SH3GL2: variants seen among roughly 807,000 people sequenced by gnomAD.
The protein encoded by SH3GL2 is SH3 domain containing GRB2 like 2, endophilin A1, also known as endophilin-A1.
In SH3GL2, 24 loss-of-function variants were observed where a neutral mutation model predicts 46.0. The observed-to-expected ratio is 0.52, with a 90% CI of 0.38 to 0.73. SH3GL2 has a LOEUF of 0.73. SH3GL2 is among the 30% of genes least tolerant of loss of function. The probability of loss-of-function intolerance (pLI) is 0.00; values close to 1 mark genes in which losing one functional copy is unlikely to be tolerated. For missense variants in SH3GL2, 413 were observed against 424.2 expected (o/e 0.97, Z 0.23); for synonymous variants, 196 against 147.1 (o/e 1.33, Z -2.40).
At chr9:17,686,024 A>G (rs1375910443) in intron 1 of SH3GL2, among the ~76,000 whole-genome samples, 3 of 140,656 alleles carry the variant, frequency 2.1e-5, no homozygotes, top group African/African-American at 8.5e-5. Flanking sequence ...AATGGGAGAA[A>G]ATTTTTGCAA....
chr9:17,626,782 T>G (rs994826000), intron 1 of SH3GL2, among the ~76,000 whole-genome samples: 1 of 152,222 alleles, frequency 6.6e-6, no homozygotes, highest in Admixed American at 6.5e-5. Context: ...CCAATATGTC[T>G]TCTTCACATT....
chr9:17,697,352 T>G (rs1821229473), intron 1 of SH3GL2, among the ~76,000 whole-genome samples: 1 of 151,802 alleles, frequency 6.6e-6, no homozygotes, highest in Non-Finnish European at 1.5e-5. Context: ...GCCACCTGAG[T>G]AGTTGGGATT....
At position 17,612,723 on chromosome 9, in the gene SH3GL2, T is replaced by C. The variant is rs78720327; in HGVS notation, c.45+33436T>C. ...GAAAGTGTACTGTTTAAACCACTTA[T>C]TGGTTTTAAGTGTGTTCACAGCCTT... On this transcript the variant is annotated intron_variant, in intron 1 of 8. Coordinates refer to ENST00000380607, the MANE Select transcript of SH3GL2 (RefSeq NM_003026.5). Among the ~76,000 whole-genome samples the C allele has an allele frequency of 5.4e-3, 821 of 152,322 alleles. 52 individuals carry two copies. The East Asian group carries it at 0.13, about 24-fold the overall frequency.
chr9:17,795,947 A>C lies in SH3GL2; in HGVS notation c.*204A>C. 1.8e-6 allele frequency: 1 copy of C among 557,880 alleles called. No homozygotes were observed. Among genetic ancestry groups the C allele is most frequent in the Non-Finnish European group, 3.2e-6 (1 of 313,006 alleles). The allele number at this position is 557,880 out of a possible 1,614,324, so 34.6% of individuals were successfully genotyped here. A position where few individuals can be genotyped will look rare whatever the true frequency, so the allele number is the denominator to read the frequency against. ...ATCCTCTTAGCCTGGTGGGCGTGGC[A>C]TGTGCTTTTTAAAACATCATCTGAG... is the stretch of plus-strand genomic sequence containing the variant. On this transcript the variant is annotated 3_prime_UTR_variant, in exon 9 of 9. Transcript: ENST00000380607.
intron 5 of SH3GL2, among the ~76,000 whole-genome samples, chr9:17,787,946 A>T (rs1824010639): frequency 6.6e-6 from 1 of 152,160 alleles, no homozygotes; most frequent in African/African-American, 2.4e-5. Context: ...CCAAGTCTAG[A>T]AATTAGATGG....
chr9:17,681,434 C>G (rs1820763894), intron 1 of SH3GL2, among the ~76,000 whole-genome samples: 1 of 152,110 alleles, frequency 6.6e-6, no homozygotes, highest in African/African-American at 2.4e-5. Context: ...GTTAGGGTTT[C>G]CTGTAGCATG....
rs766732200 is a variant in SH3GL2 at position 17,795,654 on chromosome 9, G to C, written c.970G>C (p.Asp324His). Residue 324 changes from aspartate to histidine, a missense_variant, in exon 9 of 9, where the codon GAT (aspartate) becomes CAT (histidine). Asp to His is a moderately conservative substitution (Grantham distance 81). Transcript: ENST00000380607. The stretch of plus-strand genomic sequence containing the variant: ...TATCATCACACTCACTAACCAAATT[G>C]ATGAGAACTGGTATGAGGGGATGCT... ...GDIITLTNQI[D>H]ENWYEGMLHG... 6.2e-7 allele frequency: 1 copy of C among 1,614,000 alleles called. No individual in the cohort carries two copies. Among genetic ancestry groups the C allele is most frequent in the Non-Finnish European group, 8.5e-7 (1 of 1,179,894 alleles).
At chr9:17,704,405 A>G (rs1164064029) in intron 1 of SH3GL2, among the ~76,000 whole-genome samples, 6 of 151,690 alleles carry the variant, frequency 4.0e-5, no homozygotes. Flanking sequence ...CTATCAAATT[A>G]CCAATGACAT....
At chr9:17,597,602 G>A (rs1419750820) in intron 1 of SH3GL2, among the ~76,000 whole-genome samples, 2 of 152,096 alleles carry the variant, frequency 1.3e-5, no homozygotes, top group East Asian at 3.9e-4. Flanking sequence ...TATGTATTCT[G>A]TATTATGTGC....
intron 1 of SH3GL2, among the ~76,000 whole-genome samples, chr9:17,672,811 G>A (rs1312238573): frequency 6.6e-6 from 1 of 152,080 alleles, no homozygotes; most frequent in African/African-American, 2.4e-5. Context: ...ATCCATGTTC[G>A]TGGTTTTAAC....
chr9:17,634,256 A>G (rs144243887), intron 1 of SH3GL2, among the ~76,000 whole-genome samples: 2 of 152,350 alleles, frequency 1.3e-5, no homozygotes, highest in Non-Finnish European at 1.5e-5. Context: ...GTGATGATAC[A>G]TATGATACAT....
intron 1 of SH3GL2, among the ~76,000 whole-genome samples, chr9:17,728,279 G>A (rs914598484): frequency 6.6e-6 from 1 of 151,998 alleles, no homozygotes; most frequent in Non-Finnish European, 1.5e-5. Flanking sequence ...TGAGAATAAA[G>A]GAAGGGTGTA....
At chr9:17,624,360 C>T (rs934969178) in intron 1 of SH3GL2, among the ~76,000 whole-genome samples, 7 of 152,164 alleles carry the variant, frequency 4.6e-5, no homozygotes, top group Admixed American at 1.3e-4. Context: ...TAGATATCCT[C>T]CTTCTCCTCA....
At chr9:17,768,389 A>C (rs978588446) in intron 3 of SH3GL2, among the ~76,000 whole-genome samples, 2 of 151,766 alleles carry the variant, frequency 1.3e-5, no homozygotes, top group African/African-American at 4.8e-5. Flanking sequence ...AAAAAAAAAA[A>C]AACACCAGAT....
intron 3 of SH3GL2, among the ~76,000 whole-genome samples, chr9:17,763,248 C>G (rs147513180): frequency 6.6e-6 from 1 of 152,296 alleles, no homozygotes; most frequent in Non-Finnish European, 1.5e-5. Flanking sequence ...GAACTGTGCT[C>G]TGTTGTAGGT....
At chr9:17,769,012 A>T (rs1187864249) in intron 3 of SH3GL2, among the ~76,000 whole-genome samples, 163 of 152,270 alleles carry the variant, frequency 1.1e-3, no homozygotes, top group Non-Finnish European at 1.6e-4. Context: ...ACTATTGTTC[A>T]TGGGGCCTGG....
At chr9:17,678,164 T>A (rs1192211788) in intron 1 of SH3GL2, among the ~76,000 whole-genome samples, 3 of 152,112 alleles carry the variant, frequency 2.0e-5, no homozygotes, top group Admixed American at 2.0e-4. Context: ...ATGGGATTGC[T>A]GGGTCAAATG....
At chr9:17,620,451 A>C (rs529392014) in intron 1 of SH3GL2, among the ~76,000 whole-genome samples, 6 of 152,314 alleles carry the variant, frequency 3.9e-5, no homozygotes, top group African/African-American at 1.4e-4. Flanking sequence ...TGAGGTAGAT[A>C]CTATTATTGT....
chr9:17,684,667 T>C (rs1191026873), intron 1 of SH3GL2, among the ~76,000 whole-genome samples: 3 of 152,014 alleles, frequency 2.0e-5, no homozygotes, highest in South Asian at 2.1e-4. Context: ...GTCAGACATA[T>C]TGTATTCACA....
Sources: gnomAD v4.1 joint callset for allele counts (sites outside exome capture counted in the v4.1 genomes callset) on GRCh38, gnomAD v4.1.1 for gene constraint, MANE v1.5 for transcripts, NCBI Gene and HGNC (gene_info 2026-07-23, HGNC 2026-07-21) for gene names.